Variants in OPCML observed in about 807,000 individuals in gnomAD.
The protein encoded by OPCML is opioid-binding protein/cell adhesion molecule.
OPCML carries 13 observed loss-of-function variants against 37.8 expected under a neutral mutation model. That is an observed-to-expected ratio of 0.34 (90% confidence interval 0.22 to 0.55). The LOEUF (loss-of-function observed/expected upper bound fraction) is 0.55. Ranked by LOEUF, OPCML falls within the 20% of genes least tolerant of loss-of-function variation. The pLI, the probability that OPCML is intolerant of heterozygous loss-of-function variation, is 0.91. For synonymous variants in OPCML, 176 were observed against 168.8 expected (o/e 1.04, Z -0.33); for missense variants, 341 against 435.6 (o/e 0.78, Z 1.93).
intron 1 of OPCML, among the ~76,000 whole-genome samples, chr11:133,415,997 C>A (rs770954720): frequency 1.3e-5 from 2 of 152,210 alleles, no homozygotes; most frequent in Non-Finnish European, 2.9e-5. Flanking sequence ...CCCCTAAAAC[C>A]TCCGAAAAGA....
In OPCML at chr11:133,418,127, C is replaced by G. The variant is rs146034898; in HGVS notation, c.61+114137G>C. ...GACTGGTAAGAATATGGCGTGAAGT[C>G]GAAGACAGCAGGAAACAATCAAGAA... is the stretch of plus-strand genomic sequence containing the variant. On this transcript the variant is annotated intron_variant, in intron 1 of 7. Transcript: ENST00000524381. The G allele has an allele frequency of 1.6e-3, 1,594 of 985,308 alleles. 6 individuals carry two copies. Among genetic ancestry groups the G allele is most frequent in the Non-Finnish European group, 1.8e-3 (1,494 of 829,910 alleles). 61.0% of individuals were successfully genotyped at this position (985,308 alleles called of 1,614,324 possible).
At chr11:132,799,646 C>G (rs779173891) in intron 2 of OPCML, among the ~76,000 whole-genome samples, 1 of 151,434 alleles carries the variant, frequency 6.6e-6, no homozygotes, top group South Asian at 2.1e-4. Context: ...TATGTGGCAC[C>G]GAGACATTAA....
At chr11:133,053,724 G>A (rs948889073) in intron 1 of OPCML, among the ~76,000 whole-genome samples, 1 of 152,100 alleles carries the variant, frequency 6.6e-6, no homozygotes, top group Non-Finnish European at 1.5e-5. Context: ...TTGGCTGGTT[G>A]TTCCTCCTCA....
At chr11:132,575,132 C>G (rs1458717195) in intron 3 of OPCML, among the ~76,000 whole-genome samples, 1 of 151,826 alleles carries the variant, frequency 6.6e-6, no homozygotes, top group Non-Finnish European at 1.5e-5. Flanking sequence ...TAATTTTAAG[C>G]CTATGTGTGC....
Position 133,060,984 on chromosome 11 carries a change from TG to T in OPCML, c.62-117975del, listed in dbSNP as rs543758630. ...TTCCTTAAAGTGTGTCTAAGAGGGA[TG>T]CGAGCTAAAGAAAGAAAAAGGATAA... On this transcript the variant is annotated intron_variant, in intron 1 of 7. Transcript: ENST00000524381. Among the ~76,000 whole-genome samples, 197 of 152,378 alleles carry T rather than the reference TG, an allele frequency of 1.3e-3. 1 individual carries two copies. Among genetic ancestry groups the T allele is most frequent in the African/African-American group, 4.6e-3 (191 of 41,596 alleles).
In OPCML at chr11:133,140,531, T is replaced by TAAGAAGAAGAAGAAGAAGAAG. The variant is rs1168417109; in HGVS notation, c.62-197542_62-197522dup. ...TGTCTCAAAATAATAATAATAATAA[T>TAAGAAGAAGAAGAAGAAGAAG]AAGAAGAAGAAGAAGAAGAAGAAGA... On this transcript the variant is annotated intron_variant, in intron 1 of 7. Coordinates refer to ENST00000524381, the MANE Select transcript of OPCML (RefSeq NM_001012393.5). Among the ~76,000 whole-genome samples the TAAGAAGAAGAAGAAGAAGAAG allele has an allele frequency of 6.4e-3, 568 of 88,074 alleles. 2 individuals are homozygous for TAAGAAGAAGAAGAAGAAGAAG. The highest frequency in any genetic ancestry group is 0.014 in the Admixed American group (91 of 6,292). 57.8% of individuals were successfully genotyped at this position (88,074 alleles called of 152,430 possible).
intron 1 of OPCML, among the ~76,000 whole-genome samples, chr11:133,098,183 A>G: frequency 6.7e-6 from 1 of 149,986 alleles, no homozygotes; most frequent in African/African-American, 2.5e-5. Context: ...ACCAAGTGGG[A>G]TTTATCCCAG....
At chr11:133,347,517 G>T (rs1353938305) in intron 1 of OPCML, among the ~76,000 whole-genome samples, 24 of 152,192 alleles carry the variant, frequency 1.6e-4, no homozygotes, top group Admixed American at 1.6e-3. Context: ...TCTTAGGGAA[G>T]TGTTTTTTTT....
intron 4 of OPCML, among the ~76,000 whole-genome samples, chr11:132,442,607 C>T (rs2096039842): frequency 1.3e-5 from 2 of 152,224 alleles, no homozygotes; most frequent in South Asian, 2.1e-4. Context: ...TGGCAGTGTC[C>T]CCACCCAAAT....
intron 2 of OPCML, among the ~76,000 whole-genome samples, chr11:132,828,119 G>C (rs369102769): frequency 6.6e-6 from 1 of 152,102 alleles, no homozygotes; most frequent in Non-Finnish European, 1.5e-5. Flanking sequence ...AATGCATGTC[G>C]CTAAGTGGAA....
At chr11:132,952,944 T>C (rs1195935127) in intron 1 of OPCML, among the ~76,000 whole-genome samples, 2 of 151,874 alleles carry the variant, frequency 1.3e-5, no homozygotes, top group African/African-American at 4.8e-5. Flanking sequence ...CAAACAAAAG[T>C]AACATGACAA....
At chr11:133,282,590 A>C (rs1942188634) in intron 1 of OPCML, among the ~76,000 whole-genome samples, 1 of 152,182 alleles carries the variant, frequency 6.6e-6, no homozygotes, top group Non-Finnish European at 1.5e-5. Context: ...TGAAGCCCCC[A>C]TGCAGTTTCC....
intron 2 of OPCML, among the ~76,000 whole-genome samples, chr11:132,919,652 G>A (rs1944722680): frequency 6.6e-6 from 1 of 152,154 alleles, no homozygotes; most frequent in African/African-American, 2.4e-5. Context: ...AGAGCCTGAT[G>A]ACACACGTGC....
intron 3 of OPCML, among the ~76,000 whole-genome samples, chr11:132,633,604 A>G (rs1940291630): frequency 6.6e-6 from 1 of 152,080 alleles, no homozygotes; most frequent in African/African-American, 2.4e-5. Context: ...ATGACACAGG[A>G]CATCTGTTGG....
chr11:132,633,474 T>A lies in OPCML; in HGVS notation c.379+23613A>T, dbSNP rs527923106. ...TTAAAAGCCGGGAATGTGGTTTATA[T>A]CTTTACGTAAGCAAATGGGCATCCC... On this transcript the variant is annotated intron_variant, in intron 3 of 7. Transcript: ENST00000524381. Among the ~76,000 whole-genome samples, 12 of 152,260 alleles carry A rather than the reference T, an allele frequency of 7.9e-5. 1 individual carries two copies. In the South Asian group the frequency reaches 2.1e-3, roughly 26 times the overall value.
chr11:132,655,828 T>C (rs1295078383), intron 3 of OPCML, among the ~76,000 whole-genome samples: 4 of 149,656 alleles, frequency 2.7e-5, no homozygotes, highest in Admixed American at 1.3e-4. Flanking sequence ...AACCTCTCTC[T>C]AGGAAACCAA....
chr11:132,746,427 A>G (rs989122335), intron 2 of OPCML, among the ~76,000 whole-genome samples: 49 of 151,526 alleles, frequency 3.2e-4, no homozygotes, highest in Middle Eastern at 3.4e-3. Context: ...AGGAGACACC[A>G]CTCTCATCGG....
chr11:133,019,407 G>T (rs1947407172), intron 1 of OPCML, among the ~76,000 whole-genome samples: 1 of 152,160 alleles, frequency 6.6e-6, no homozygotes, highest in South Asian at 2.1e-4. Context: ...GAGAAGTGAG[G>T]TCAGGCGGCC....
intron 4 of OPCML, among the ~76,000 whole-genome samples, chr11:132,517,712 C>A (rs927278459): frequency 3.9e-5 from 6 of 152,144 alleles, no homozygotes; most frequent in African/African-American, 1.4e-4. Context: ...GCAATGGGTG[C>A]CTTTCCAATT....
Sources: gnomAD v4.1 joint callset for allele counts (sites outside exome capture counted in the v4.1 genomes callset) on GRCh38, gnomAD v4.1.1 for gene constraint, MANE v1.5 for transcripts, NCBI Gene and HGNC (gene_info 2026-07-23, HGNC 2026-07-21) for gene names.